The following CLEC16A variants were observed in gnomAD, a reference collection of about 807,000 sequenced individuals.
CLEC16A encodes C-type lectin domain containing 16A, also known as protein CLEC16A.
In CLEC16A, 51 loss-of-function variants were observed where a neutral mutation model predicts 109.5. The ratio of observed to expected loss-of-function variants is 0.47; its 90% CI spans 0.37 to 0.59. The LOEUF (loss-of-function observed/expected upper bound fraction) is 0.59. Among genes scored for constraint, CLEC16A ranks in the 20% least tolerant of loss-of-function variants. The pLI is 0.00. For missense variants in CLEC16A, 1,339 were observed against 1,394.0 expected (o/e 0.96, Z 0.63); for synonymous variants, 673 against 564.2 (o/e 1.19, Z -2.73).
chr16:10,996,970 G>T (rs2044365820), intron 10 of CLEC16A, among the ~76,000 whole-genome samples: 1 of 152,142 alleles, frequency 6.6e-6, no homozygotes, highest in South Asian at 2.1e-4. Flanking sequence ...TTTTTTGTTT[G>T]TTTGTTTTTG....
At chr16:11,153,549 A>G (rs909950303) in intron 22 of CLEC16A, among the ~76,000 whole-genome samples, 1 of 151,066 alleles carries the variant, frequency 6.6e-6, no homozygotes, top group African/African-American at 2.4e-5. Flanking sequence ...TGTTTAAGAA[A>G]CGTCACTCTA....
intron 23 of CLEC16A, among the ~76,000 whole-genome samples, chr16:11,170,675 G>C (rs577200305): frequency 6.6e-6 from 1 of 152,186 alleles, no homozygotes; most frequent in East Asian, 1.9e-4. Context: ...CTGGGTTTGG[G>C]CACCCCACTC....
chr16:11,118,690 T>A (rs1354691830), intron 19 of CLEC16A, among the ~76,000 whole-genome samples: 1 of 152,240 alleles, frequency 6.6e-6, no homozygotes, highest in East Asian at 1.9e-4. Context: ...GCTTTTGAGG[T>A]CTTAGTCATA....
At chr16:10,956,679 C>T (rs1311286677) in intron 1 of CLEC16A, among the ~76,000 whole-genome samples, 3 of 152,190 alleles carry the variant, frequency 2.0e-5, no homozygotes, top group Non-Finnish European at 1.5e-5. Flanking sequence ...TTTTGGTCTC[C>T]CCCACCAGCA....
At chr16:11,114,739 A>G (rs928502207) in intron 19 of CLEC16A, among the ~76,000 whole-genome samples, 1 of 152,154 alleles carries the variant, frequency 6.6e-6, no homozygotes, top group Admixed American at 6.6e-5. Flanking sequence ...GGGGCAGGGT[A>G]CAGGAGTTCC....
At chr16:11,105,893 C>T (rs960295883) in intron 19 of CLEC16A, among the ~76,000 whole-genome samples, 7 of 152,190 alleles carry the variant, frequency 4.6e-5, no homozygotes, top group Non-Finnish European at 7.3e-5. Context: ...CTCAGTGGCC[C>T]TGAGTGTGCT....
At position 11,051,644 on chromosome 16, in the gene CLEC16A, G is replaced by A. The variant is rs765172257; in HGVS notation, c.1995+3G>A. On this transcript the variant is annotated splice_donor_region_variant and intron_variant, in intron 18 of 23. Transcript: ENST00000409790. ...GCGATGTGGAGAAGACCCGGCGGGT[G>A]AGTGAGCACAGGACCTGTCATCTCC... 6.2e-6 allele frequency: 10 copies of A among 1,613,606 alleles called. No homozygotes were observed. The highest frequency in any genetic ancestry group is 1.7e-5 in the Admixed American group (1 of 60,012).
chr16:11,009,618 A>C (rs1050014953), intron 11 of CLEC16A, among the ~76,000 whole-genome samples: 1 of 152,132 alleles, frequency 6.6e-6, no homozygotes, highest in Non-Finnish European at 1.5e-5. Flanking sequence ...CTACAAGGCT[A>C]GGCGCTGGAG....
At chr16:11,114,482 A>G (rs556143660) in intron 19 of CLEC16A, among the ~76,000 whole-genome samples, 65 of 152,200 alleles carry the variant, frequency 4.3e-4, no homozygotes, top group African/African-American at 1.5e-3. Context: ...AGGCTGCCAC[A>G]TACCACGACA....
chr16:11,055,204 C>T (rs1444401070), intron 18 of CLEC16A, among the ~76,000 whole-genome samples: 1 of 152,156 alleles, frequency 6.6e-6, no homozygotes, highest in Non-Finnish European at 1.5e-5. Flanking sequence ...AGTTTATTAA[C>T]AAGTAAGAGA....
At chr16:11,164,074 C>T (rs1201822056) in intron 22 of CLEC16A, among the ~76,000 whole-genome samples, 1 of 152,104 alleles carries the variant, frequency 6.6e-6, no homozygotes, top group Admixed American at 6.5e-5. Flanking sequence ...TTCATCTGAG[C>T]GGGCCCCCGA....
intron 22 of CLEC16A, among the ~76,000 whole-genome samples, chr16:11,136,728 G>A (rs925803760): frequency 3.3e-5 from 5 of 152,220 alleles, no homozygotes; most frequent in African/African-American, 1.2e-4. Flanking sequence ...TAATCTGCCT[G>A]AGGCCCCACA....
chr16:11,146,881 G>A (rs2054082185), intron 22 of CLEC16A, among the ~76,000 whole-genome samples: 1 of 152,152 alleles, frequency 6.6e-6, no homozygotes, highest in Non-Finnish European at 1.5e-5. Flanking sequence ...AAACACATCA[G>A]CCCCTTTGGA....
chr16:10,981,606 A>G (rs973523843), intron 9 of CLEC16A, among the ~76,000 whole-genome samples: 3 of 152,250 alleles, frequency 2.0e-5, no homozygotes, highest in African/African-American at 7.2e-5. Context: ...TGAGCACCCA[A>G]CTGCACTCCC....
chr16:11,004,269 A>G (rs1159452191), intron 11 of CLEC16A, among the ~76,000 whole-genome samples: 1 of 152,190 alleles, frequency 6.6e-6, no homozygotes, highest in Non-Finnish European at 1.5e-5. Flanking sequence ...GTCATGGGCC[A>G]GGCTCACAGC....
intron 11 of CLEC16A, among the ~76,000 whole-genome samples, chr16:11,004,086 C>T (rs770639577): frequency 5.3e-5 from 8 of 152,066 alleles, no homozygotes; most frequent in Non-Finnish European, 8.8e-5. Flanking sequence ...ATGAGGTGCA[C>T]TCGTGTGTAG....
chr16:11,129,839 T>G (rs927149147), intron 22 of CLEC16A, among the ~76,000 whole-genome samples: 1 of 150,962 alleles, frequency 6.6e-6, no homozygotes. Context: ...CTTGGCTCAC[T>G]GCAAGCTCCG....
chr16:10,998,938 CA>C (rs2044493743), intron 10 of CLEC16A, among the ~76,000 whole-genome samples: 1 of 152,170 alleles, frequency 6.6e-6, no homozygotes, highest in African/African-American at 2.4e-5. Context: ...ATTTCCCAGC[CA>C]AATTCTACCA....
intron 1 of CLEC16A, among the ~76,000 whole-genome samples, chr16:10,950,752 ATACAGGCTCTGTG>A (rs1219283611): frequency 1.3e-5 from 2 of 152,200 alleles, no homozygotes; most frequent in African/African-American, 4.8e-5. Context: ...GGCCAGACAG[ATACAGGCTCTGTG>A]TCTCCCATCC....
Sources: allele counts gnomAD v4.1 joint callset (sites outside exome capture counted in the v4.1 genomes callset), GRCh38; gene constraint gnomAD v4.1.1; transcripts MANE v1.5; gene names NCBI Gene and HGNC (gene_info 2026-07-23, HGNC 2026-07-21).